OGDH: variants seen among roughly 807,000 people sequenced by gnomAD.
OGDH encodes the protein oxoglutarate dehydrogenase.
OGDH carries 38 observed loss-of-function variants against 116.6 expected under a neutral mutation model. That is an observed-to-expected ratio of 0.33 (90% confidence interval 0.25 to 0.43). The LOEUF (loss-of-function observed/expected upper bound fraction) is 0.43, where lower values mean the gene tolerates loss of function less well. Ranked by LOEUF, OGDH falls within the 20% of genes least tolerant of loss-of-function variation. The probability of loss-of-function intolerance (pLI) is 1.00; values close to 1 mark genes in which losing one functional copy is unlikely to be tolerated. For synonymous variants in OGDH, 488 were observed against 533.3 expected (o/e 0.92, Z 1.17); for missense variants, 825 against 1,357.2 (o/e 0.61, Z 6.16).
intron 10 of OGDH, among the ~76,000 whole-genome samples, chr7:44,684,961 T>C (rs1000751772): frequency 3.9e-5 from 6 of 152,138 alleles, no homozygotes; most frequent in Non-Finnish European, 8.8e-5. Context: ...CTAATTTTTG[T>C]ATTTTTAGTA....
intron 4 of OGDH, among the ~76,000 whole-genome samples, chr7:44,658,583 T>A (rs772003625): frequency 1.3e-5 from 2 of 152,086 alleles, no homozygotes; most frequent in Non-Finnish European, 2.9e-5. Flanking sequence ...TTACAGTAGC[T>A]ACAACTTTTA....
At chr7:44,692,142 T>A (rs984537685) in intron 10 of OGDH, among the ~76,000 whole-genome samples, 2 of 151,566 alleles carry the variant, frequency 1.3e-5, no homozygotes, top group Non-Finnish European at 2.9e-5. Flanking sequence ...TGCCTGTGGC[T>A]CAGTTTTCCC....
At position 44,675,171 on chromosome 7, in the gene OGDH, G is replaced by C. The variant is rs116644435; in HGVS notation, c.936-7G>C. The C allele has an allele frequency of 1.2e-6, 2 of 1,613,518 alleles. No individual in the cohort carries two copies. Among genetic ancestry groups the C allele is most frequent in the South Asian group, 1.1e-5 (1 of 91,056 alleles). ...CTCTGCTCACCCTACTCGCCCATAC[G>C]TTCCAGAGGGCGGCTGAACGTGCTT... On this transcript the variant is annotated splice_region_variant and splice_polypyrimidine_tract_variant and intron_variant, in intron 7 of 22. Transcript: ENST00000222673.
At chr7:44,650,399 G>T (rs757035917) in intron 4 of OGDH, among the ~76,000 whole-genome samples, 2 of 152,238 alleles carry the variant, frequency 1.3e-5, no homozygotes, top group Non-Finnish European at 2.9e-5. Flanking sequence ...GTGTGACCTT[G>T]GGCTAGTTGC....
At chr7:44,630,809 C>G (rs1275084334) in intron 2 of OGDH, among the ~76,000 whole-genome samples, 2 of 152,208 alleles carry the variant, frequency 1.3e-5, no homozygotes, top group Admixed American at 6.5e-5. Flanking sequence ...TCGTGGAAGA[C>G]AATTTTTCCA....
intron 1 of OGDH, among the ~76,000 whole-genome samples, chr7:44,623,678 A>T (rs961452706): frequency 1.1e-5 from 1 of 87,572 alleles, no homozygotes; most frequent in African/African-American, 2.9e-5. Flanking sequence ...ACAGAGTCTC[A>T]CTCTGTTGCT....
intron 5 of OGDH, among the ~76,000 whole-genome samples, chr7:44,672,815 G>A (rs1057475628): frequency 6.6e-6 from 1 of 151,822 alleles, no homozygotes; most frequent in Non-Finnish European, 1.5e-5. Context: ...GCTAATTTTT[G>A]TATTTTTAGT....
At chr7:44,668,262 C>T (rs996211304) in intron 5 of OGDH, among the ~76,000 whole-genome samples, 6 of 152,096 alleles carry the variant, frequency 3.9e-5, no homozygotes, top group South Asian at 2.1e-4. Flanking sequence ...GATCGTGAAA[C>T]GCCATCTCTA....
chr7:44,687,091 ATTTTTTT>A (rs59074567), intron 10 of OGDH, among the ~76,000 whole-genome samples: 37 of 95,532 alleles, frequency 3.9e-4, no homozygotes, highest in South Asian at 6.9e-4. Flanking sequence ...ATTTTTTTTA[ATTTTTTT>A]TTTTTTTTTT....
At chr7:44,692,186 T>A (rs1788393152) in intron 10 of OGDH, among the ~76,000 whole-genome samples, 1 of 152,078 alleles carries the variant, frequency 6.6e-6, no homozygotes, top group Admixed American at 6.6e-5. Flanking sequence ...AACTCAGCGT[T>A]TGAGGGAGAA....
chr7:44,668,947 A>AC (rs1330204604), intron 5 of OGDH, among the ~76,000 whole-genome samples: 2 of 151,616 alleles, frequency 1.3e-5, no homozygotes. Flanking sequence ...TGTTGCCTGG[A>AC]CCCCCCACAA....
Position 44,697,859 on chromosome 7 carries a change from A to T in OGDH, c.2358+77A>T. ...TAGGACCCTGACCCCAAAGACTGGC[A>T]CGAGAGCCAGTGGCTCACACCAGCC... On this transcript the variant is annotated intron_variant, in intron 17 of 22. Transcript: ENST00000222673. The surrounding 1 kb of genome is among the most constrained non-coding windows in gnomAD (Gnocchi z 6.0). The T allele has an allele frequency of 6.7e-7, 1 of 1,490,918 alleles. No homozygotes were observed. Among genetic ancestry groups the T allele is most frequent in the Non-Finnish European group, 9.0e-7 (1 of 1,113,988 alleles). 92.4% of individuals were successfully genotyped at this position (1,490,918 alleles called of 1,614,324 possible). A position where few individuals can be genotyped will look rare whatever the true frequency, so the allele number is the denominator to read the frequency against.
intron 2 of OGDH, among the ~76,000 whole-genome samples, chr7:44,642,379 G>A (rs760361471): frequency 6.6e-5 from 10 of 152,154 alleles, no homozygotes; most frequent in South Asian, 4.1e-4. Flanking sequence ...AGCCAAGATC[G>A]TGCCAGTCTA....
chr7:44,630,966 C>T (rs950245033), intron 2 of OGDH, among the ~76,000 whole-genome samples: 1 of 152,132 alleles, frequency 6.6e-6, no homozygotes, highest in Admixed American at 6.5e-5. Context: ...GAATCTAATG[C>T]CCCCGCTGAT....
At chr7:44,661,216 C>T (rs1786924580) in intron 4 of OGDH, among the ~76,000 whole-genome samples, 1 of 152,158 alleles carries the variant, frequency 6.6e-6, no homozygotes, top group African/African-American at 2.4e-5. Context: ...CTCTTTGTCT[C>T]CAGTAATTTT....
chr7:44,701,502 C>A (rs1788829109), intron 19 of OGDH, 41 bp from the exon 20 acceptor site: 1 of 1,581,412 alleles, frequency 6.3e-7, no homozygotes, highest in Admixed American at 1.7e-5. Flanking sequence ...CTGGAATCTT[C>A]AGAATCTGAT....
intron 10 of OGDH, among the ~76,000 whole-genome samples, chr7:44,692,150 C>G (rs1392457012): frequency 1.3e-5 from 2 of 151,990 alleles, no homozygotes; most frequent in East Asian, 3.8e-4. Context: ...GCTCAGTTTT[C>G]CCTTTCTAGG....
At chr7:44,693,264 C>T (rs552700796) in intron 10 of OGDH, among the ~76,000 whole-genome samples, 9 of 151,566 alleles carry the variant, frequency 5.9e-5, no homozygotes, top group East Asian at 5.8e-4. Context: ...GCTGAGATCA[C>T]GCCATTGCAC....
chr7:44,690,274 G>A (rs903888338), intron 10 of OGDH, among the ~76,000 whole-genome samples: 1 of 152,172 alleles, frequency 6.6e-6, no homozygotes, highest in Non-Finnish European at 1.5e-5. Context: ...GGAAGTATTG[G>A]CACAGCTAGT....
Sources: gnomAD v4.1 joint callset for allele counts (sites outside exome capture counted in the v4.1 genomes callset) on GRCh38, gnomAD v4.1.1 for gene constraint, Gnocchi (gnomAD v3.1) non-coding constraint, MANE v1.5 for transcripts, NCBI Gene and HGNC (gene_info 2026-07-23, HGNC 2026-07-21) for gene names.